Variants in CDK19 observed in about 807,000 individuals in gnomAD.
The protein encoded by CDK19 is cyclin-dependent kinase 19.
A neutral mutation model predicts 68.3 loss-of-function variants in CDK19; 20 were observed. That is an observed-to-expected ratio of 0.29 (90% confidence interval 0.21 to 0.43). The LOEUF (loss-of-function observed/expected upper bound fraction) is 0.43, where lower values mean the gene tolerates loss of function less well. Ranked by LOEUF, CDK19 falls within the 20% of genes least tolerant of loss-of-function variation. CDK19 has a pLI of 1.00. For missense variants in CDK19, 339 were observed against 623.5 expected (o/e 0.54, Z 4.86); for synonymous variants, 221 against 222.8 (o/e 0.99, Z 0.07).
chr6:110,767,575 C>T (rs931598812), intron 1 of CDK19, among the ~76,000 whole-genome samples: 26 of 151,610 alleles, frequency 1.7e-4, no homozygotes, highest in African/African-American at 5.6e-4. Context: ...AGGCTGGTCT[C>T]GAACTCCTGA....
At chr6:110,757,350 T>A (rs994809841) in intron 1 of CDK19, among the ~76,000 whole-genome samples, 1 of 152,072 alleles carries the variant, frequency 6.6e-6, no homozygotes, top group Non-Finnish European at 1.5e-5. Flanking sequence ...GAAAATTGGG[T>A]TGACTCCCCT....
intron 1 of CDK19, among the ~76,000 whole-genome samples, chr6:110,790,292 T>C (rs1043289249): frequency 6.6e-6 from 1 of 152,162 alleles, no homozygotes; most frequent in Non-Finnish European, 1.5e-5. Flanking sequence ...TCCCAGCACT[T>C]TGGGAGGCGG....
chr6:110,750,326 TG>T (rs1778389831), intron 1 of CDK19, among the ~76,000 whole-genome samples: 12 of 109,084 alleles, frequency 1.1e-4, no homozygotes, highest in Non-Finnish European at 1.9e-4. Flanking sequence ...TTCACTTCAG[TG>T]ATGAAGAAAC....
chr6:110,777,786 T>C (rs766588818), intron 1 of CDK19, among the ~76,000 whole-genome samples: 2 of 152,200 alleles, frequency 1.3e-5, no homozygotes, highest in Non-Finnish European at 2.9e-5. Context: ...TGGTAGCATA[T>C]ACATGTAACA....
chr6:110,744,851 C>A (rs760685294), intron 2 of CDK19, among the ~76,000 whole-genome samples: 2 of 152,158 alleles, frequency 1.3e-5, no homozygotes, highest in Non-Finnish European at 2.9e-5. Flanking sequence ...CTAGAGATTT[C>A]CCACCCCATG....
intron 2 of CDK19, among the ~76,000 whole-genome samples, chr6:110,721,890 G>A (rs1340523980): frequency 6.6e-6 from 1 of 152,220 alleles, no homozygotes; most frequent in Non-Finnish European, 1.5e-5. Context: ...CTTGAACCAG[G>A]GAGACAGAGG....
rs114997472 is a variant in CDK19, at chr6:110,675,054, A to G, written c.205-4513T>C. Among the ~76,000 whole-genome samples, 386 of 152,322 alleles carry G rather than the reference A, an allele frequency of 2.5e-3. 1 individual carries two copies. Among genetic ancestry groups the G allele is most frequent in the African/African-American group, 9.0e-3 (373 of 41,576 alleles). Reference sequence around the variant, plus strand: ...GCTTAAGGAGAGAAGTCACCTCTATAACATAAAAGTGCAAGGTGATACAGC... The same window carrying G: ...GCTTAAGGAGAGAAGTCACCTCTATGACATAAAAGTGCAAGGTGATACAGC... On this transcript the variant is annotated intron_variant, in intron 2 of 12. Coordinates refer to ENST00000368911, the MANE Select transcript of CDK19 (RefSeq NM_015076.5).
intron 8 of CDK19, among the ~76,000 whole-genome samples, chr6:110,624,289 G>A (rs1778948035): frequency 6.6e-6 from 1 of 151,998 alleles, no homozygotes; most frequent in South Asian, 2.1e-4. Context: ...TCTTAGTGAT[G>A]TTCTAATTCC....
intron 2 of CDK19, among the ~76,000 whole-genome samples, chr6:110,725,343 G>A (rs1776243075): frequency 6.6e-6 from 1 of 151,426 alleles, no homozygotes; most frequent in African/African-American, 2.4e-5. Flanking sequence ...GGAAAACATG[G>A]GATTAATAAT....
chr6:110,668,917 A>G (rs1007303889), intron 3 of CDK19, among the ~76,000 whole-genome samples: 5 of 151,896 alleles, frequency 3.3e-5, no homozygotes. Flanking sequence ...TACAAATACT[A>G]TCTTCTCAGT....
At chr6:110,808,992 G>A (rs544107900) in intron 1 of CDK19, among the ~76,000 whole-genome samples, 66 of 150,738 alleles carry the variant, frequency 4.4e-4, no homozygotes, top group Admixed American at 1.7e-3. Context: ...GGATCATGAG[G>A]TCAGGAGATT....
In CDK19 at chr6:110,797,699, T is replaced by C. The variant is rs114959226; in HGVS notation, c.128+17310A>G. 5.2e-3 allele frequency among the ~76,000 whole-genome samples: 791 copies of C among 152,208 alleles called. 6 individuals carry two copies. Among genetic ancestry groups the C allele is most frequent in the African/African-American group, 0.019 (769 of 41,552 alleles). ...TGTATGAACTCTAAGTTGAAAAATA[T>C]ATAGGCAGGGCGCAGTGGCGCACAC... On this transcript the variant is annotated intron_variant, in intron 1 of 12. Coordinates refer to ENST00000368911, the MANE Select transcript of CDK19 (RefSeq NM_015076.5).
intron 2 of CDK19, among the ~76,000 whole-genome samples, chr6:110,707,813 A>G (rs1244479120): frequency 6.6e-6 from 1 of 152,016 alleles, no homozygotes; most frequent in Non-Finnish European, 1.5e-5. Flanking sequence ...GTCTACTAAA[A>G]ATACAAAAAT....
At chr6:110,731,480 T>A (rs1050865086) in intron 2 of CDK19, among the ~76,000 whole-genome samples, 15 of 151,954 alleles carry the variant, frequency 9.9e-5, no homozygotes, top group African/African-American at 3.4e-4. Context: ...GGGTACAGAG[T>A]TTCTTTGTGG....
intron 1 of CDK19, 128 bp downstream of exon 1, chr6:110,814,881 G>C: frequency 7.8e-7 from 1 of 1,277,812 alleles, no homozygotes; most frequent in Non-Finnish European, 1.1e-6. Flanking sequence ...GTGTCCGGAC[G>C]CAACCCCGCG....
chr6:110,797,140 GA>G lies in CDK19; in HGVS notation c.128+17868del, dbSNP rs1781994062. ...GTGGATCACGAGGTCAGGAGTTCAAGATCAGCCTGGCCAAGATAGTGAAACC... is the reference window on the plus strand; with the variant it reads ...GTGGATCACGAGGTCAGGAGTTCAAGTCAGCCTGGCCAAGATAGTGAAACC... On this transcript the variant is annotated intron_variant, in intron 1 of 12. Coordinates refer to ENST00000368911, the MANE Select transcript of CDK19 (RefSeq NM_015076.5). Among the ~76,000 whole-genome samples the G allele has an allele frequency of 2.0e-5, 3 of 151,760 alleles. No homozygotes were observed. The South Asian group carries it at 6.2e-4, about 31-fold the overall frequency.
At chr6:110,666,559 TG>T (rs1200515656) in intron 4 of CDK19, among the ~76,000 whole-genome samples, 2 of 151,542 alleles carry the variant, frequency 1.3e-5, no homozygotes, top group African/African-American at 4.9e-5. Context: ...TCAAGTCAGA[TG>T]AGTAGCCCTG....
chr6:110,793,825 C>A (rs1781753982), intron 1 of CDK19, among the ~76,000 whole-genome samples: 1 of 152,156 alleles, frequency 6.6e-6, no homozygotes, highest in African/African-American at 2.4e-5. Context: ...TCATTTGGGA[C>A]CACATGTACA....
chr6:110,655,618 T>C (rs1222601110), intron 4 of CDK19, among the ~76,000 whole-genome samples: 1 of 152,044 alleles, frequency 6.6e-6, no homozygotes, highest in Non-Finnish European at 1.5e-5. Context: ...GACGCTCTCT[T>C]TTCTCCCTCA....
Sources: allele counts gnomAD v4.1 joint callset (sites outside exome capture counted in the v4.1 genomes callset), GRCh38; gene constraint gnomAD v4.1.1; transcripts MANE v1.5; gene names NCBI Gene and HGNC (gene_info 2026-07-23, HGNC 2026-07-21).